The following TMEM242 variants were observed in gnomAD, a reference collection of about 807,000 sequenced individuals.
TMEM242 encodes the protein transmembrane protein 242, also known as UPF0463 transmembrane protein C6orf35.
A neutral mutation model predicts 18.2 loss-of-function variants in TMEM242; 10 were observed. The ratio of observed to expected loss-of-function variants is 0.55; its 90% CI spans 0.34 to 0.93. The LOEUF (loss-of-function observed/expected upper bound fraction) is 0.93. Ranked by LOEUF, TMEM242 falls within the 40% of genes least tolerant of loss-of-function variation. The pLI, the probability that TMEM242 is intolerant of heterozygous loss-of-function variation, is 0.02. For synonymous variants in TMEM242, 57 were observed against 69.9 expected (o/e 0.81, Z 0.92); for missense variants, 186 against 175.5 (o/e 1.06, Z -0.34).
chr6:157,309,733 C>A (rs1562381424), intron 3 of TMEM242, among the ~76,000 whole-genome samples: 3 of 150,476 alleles, frequency 2.0e-5, no homozygotes, highest in Admixed American at 6.6e-5. Context: ...AAAAACAAAT[C>A]AAAAACTCCC....
chr6:157,304,603 G>C (rs139646127), intron 3 of TMEM242, among the ~76,000 whole-genome samples: 1 of 151,966 alleles, frequency 6.6e-6, no homozygotes, highest in Non-Finnish European at 1.5e-5. Context: ...TTACAGGTGC[G>C]AGGATATAAC....
rs1554250157 is a variant in TMEM242, at chr6:157,314,514, C to T, written c.327+4268G>A. On this transcript the variant is annotated intron_variant, in intron 3 of 3. Coordinates refer to ENST00000400788, the MANE Select transcript of TMEM242 (RefSeq NM_018452.6). ...ATAAAATACCATAGTTGAAAGTAAT[C>T]GATGAACACAAACTGAACAGTCAAG... Among the ~76,000 whole-genome samples, 7 of 152,298 alleles carry T rather than the reference C, an allele frequency of 4.6e-5. No homozygotes were observed. In the South Asian group the frequency reaches 1.2e-3, roughly 27 times the overall value.
At chr6:157,314,257 C>G in intron 3 of TMEM242, among the ~76,000 whole-genome samples, 1 of 150,586 alleles carries the variant, frequency 6.6e-6, no homozygotes, top group African/African-American at 2.4e-5. Context: ...TCATAGTGTC[C>G]CAGTGTGCGC....
At chr6:157,300,256 C>T (rs1777810578) in intron 3 of TMEM242, 2 of 349,166 alleles carry the variant, frequency 5.7e-6, no homozygotes, top group South Asian at 3.2e-5. Context: ...CCCCCTGGCC[C>T]TCTACTGCGG....
At chr6:157,310,651 C>A (rs1554248373) in intron 3 of TMEM242, among the ~76,000 whole-genome samples, 2 of 146,670 alleles carry the variant, frequency 1.4e-5, no homozygotes, top group Non-Finnish European at 1.5e-5. Context: ...AGTGTTCGCT[C>A]ACCCGGCCTC....
intron 3 of TMEM242, among the ~76,000 whole-genome samples, chr6:157,307,754 C>T (rs1303983086): frequency 1.3e-5 from 2 of 152,162 alleles, no homozygotes; most frequent in African/African-American, 2.4e-5. Flanking sequence ...TTCCCCAGTC[C>T]TCAAGCTGTT....
intron 1 of TMEM242, 63 bp downstream of exon 1, chr6:157,323,349 G>C: frequency 6.4e-7 from 1 of 1,559,610 alleles, no homozygotes; most frequent in Non-Finnish European, 8.8e-7. Flanking sequence ...GCCCGCTCCA[G>C]AGCAAGCCAG....
At chr6:157,299,057 T>C (rs1777789762) in intron 3 of TMEM242, 2 of 325,502 alleles carry the variant, frequency 6.1e-6, no homozygotes, top group African/African-American at 4.5e-5. Context: ...AAAGCTTCAG[T>C]TCCTTCTGAA....
At chr6:157,311,276 C>A (rs1554248702) in intron 3 of TMEM242, among the ~76,000 whole-genome samples, 1 of 141,856 alleles carries the variant, frequency 7.0e-6, no homozygotes, top group Non-Finnish European at 1.5e-5. Flanking sequence ...CATAGTGCCC[C>A]CGTGTGCACA....
At chr6:157,307,029 A>G (rs587766919) in intron 3 of TMEM242, among the ~76,000 whole-genome samples, 53 of 152,362 alleles carry the variant, frequency 3.5e-4, no homozygotes, top group Admixed American at 3.2e-3. Flanking sequence ...TACAAACTGT[A>G]CATATCAACT....
Position 157,305,903 on chromosome 6 carries a change from G to T in TMEM242, c.327+12879C>A, listed in dbSNP as rs587628670. 6.6e-6 allele frequency among the ~76,000 whole-genome samples: 1 copy of T among 152,336 alleles called. No individual in the cohort carries two copies. The highest frequency in any genetic ancestry group is 2.1e-4 in the South Asian group (1 of 4,828). On this transcript the variant is annotated intron_variant, in intron 3 of 3. Coordinates refer to ENST00000400788, the MANE Select transcript of TMEM242 (RefSeq NM_018452.6). The surrounding 1 kb of genome is among the most constrained non-coding windows in gnomAD (Gnocchi z 4.1). ...GGACTGAGAGCAGGAAGGGGAGGAAGTGGAGGCAGTGACCACAGACAACTC... is the reference window on the plus strand; with the variant it reads ...GGACTGAGAGCAGGAAGGGGAGGAATTGGAGGCAGTGACCACAGACAACTC...
intron 3 of TMEM242, among the ~76,000 whole-genome samples, chr6:157,314,174 C>A (rs1583573998): frequency 1.3e-5 from 2 of 152,234 alleles, no homozygotes; most frequent in Admixed American, 6.5e-5. Flanking sequence ...GCTCACCCGG[C>A]CTCATCATAG....
At chr6:157,303,125 C>T (rs1287061765) in intron 3 of TMEM242, among the ~76,000 whole-genome samples, 6 of 152,212 alleles carry the variant, frequency 3.9e-5, no homozygotes, top group Admixed American at 6.5e-5. Context: ...AAAATACTTA[C>T]GAATGTGCCA....
chr6:157,311,187 CCCAGCCTGATCAT>C, intron 3 of TMEM242, among the ~76,000 whole-genome samples: 1 of 138,676 alleles, frequency 7.2e-6, no homozygotes, highest in East Asian at 2.6e-4. Context: ...TGTGCGCTCA[CCCAGCCTGATCAT>C]ACTGTCCGAC....
At chr6:157,316,553 C>A (rs782057478) in intron 3 of TMEM242, among the ~76,000 whole-genome samples, 56 of 152,136 alleles carry the variant, frequency 3.7e-4, no homozygotes, top group Non-Finnish European at 6.3e-4. Flanking sequence ...GCATTACAAA[C>A]AATGATTAGC....
At chr6:157,320,132 C>A (rs1222725943) in intron 2 of TMEM242, among the ~76,000 whole-genome samples, 1 of 152,194 alleles carries the variant, frequency 6.6e-6, no homozygotes, top group Non-Finnish European at 1.5e-5. Context: ...AGTTCTTCTA[C>A]AAACAATTTT....
chr6:157,299,518 A>G (rs1264450961), intron 3 of TMEM242: 2 of 1,466,784 alleles, frequency 1.4e-6, no homozygotes, highest in Admixed American at 1.7e-5. Flanking sequence ...CAGTATCCAG[A>G]TTACAGCCGC....
At chr6:157,318,549 C>T in intron 3 of TMEM242, 1 of 526,020 alleles carries the variant, frequency 1.9e-6, no homozygotes, top group Non-Finnish European at 3.3e-6. Context: ...AGAACATTAG[C>T]TATAAATTAG....
At chr6:157,312,988 C>A (rs1554249553) in intron 3 of TMEM242, among the ~76,000 whole-genome samples, 3 of 151,870 alleles carry the variant, frequency 2.0e-5, no homozygotes, top group African/African-American at 7.3e-5. Context: ...GCTCACCTAG[C>A]CTCATCATAG....
Sources: allele counts gnomAD v4.1 joint callset (sites outside exome capture counted in the v4.1 genomes callset), GRCh38; gene constraint gnomAD v4.1.1; non-coding constraint Gnocchi (gnomAD v3.1); transcripts MANE v1.5; gene names NCBI Gene and HGNC (gene_info 2026-07-23, HGNC 2026-07-21).